Variants in FHIT observed in about 807,000 individuals in gnomAD.
FHIT encodes bis(5'-adenosyl)-triphosphatase.
In FHIT, 19 loss-of-function variants were observed where a neutral mutation model predicts 17.9. The ratio of observed to expected loss-of-function variants is 1.06; its 90% CI spans 0.74 to 1.56. The LOEUF (loss-of-function observed/expected upper bound fraction) is 1.56, where lower values mean the gene tolerates loss of function less well. Among genes scored for constraint, FHIT ranks in the 40% most tolerant of loss-of-function variants. The probability of loss-of-function intolerance (pLI) is 0.00; values close to 1 mark genes in which losing one functional copy is unlikely to be tolerated. For synonymous variants in FHIT, 81 were observed against 69.7 expected (o/e 1.16, Z -0.81); for missense variants, 248 against 189.2 (o/e 1.31, Z -1.82).
intron 5 of FHIT, among the ~76,000 whole-genome samples, chr3:60,074,333 T>C (rs890515163): frequency 2.0e-5 from 3 of 152,070 alleles, no homozygotes; most frequent in South Asian, 2.1e-4. Flanking sequence ...CTTTGTTGGA[T>C]GGAAATTTTC....
chr3:60,396,742 G>A (rs1010266720), intron 5 of FHIT, among the ~76,000 whole-genome samples: 4 of 152,182 alleles, frequency 2.6e-5, no homozygotes, highest in Admixed American at 6.5e-5. Context: ...CATTATCAGT[G>A]TACTAAATCT....
chr3:59,762,698 C>G (rs1289417445), intron 8 of FHIT, among the ~76,000 whole-genome samples: 1 of 152,200 alleles, frequency 6.6e-6, no homozygotes, highest in African/African-American at 2.4e-5. Flanking sequence ...TAGGGATCAA[C>G]CTCTAAGCCC....
At chr3:61,075,550 A>G (rs2106755951) in intron 2 of FHIT, among the ~76,000 whole-genome samples, 1 of 152,220 alleles carries the variant, frequency 6.6e-6, no homozygotes, top group South Asian at 2.1e-4. Context: ...GAACCAGAAA[A>G]GGTGAGGAGA....
chr3:60,288,566 A>AGTGTGTGTGTGTGTGTGTGTGTGTGT (rs139336094), intron 5 of FHIT, among the ~76,000 whole-genome samples: 58 of 144,656 alleles, frequency 4.0e-4, no homozygotes, highest in African/African-American at 5.9e-4. Context: ...GTTCTGGCAC[A>AGTGTGTGTGTGTGTGTGTGTGTGTGT]GTGTGTGTGT....
chr3:59,762,489 G>C (rs1701572420), intron 8 of FHIT, among the ~76,000 whole-genome samples: 3 of 152,038 alleles, frequency 2.0e-5, no homozygotes, highest in Admixed American at 2.0e-4. Context: ...AGTGGTATTT[G>C]TTTGGATGAG....
intron 5 of FHIT, among the ~76,000 whole-genome samples, chr3:60,412,352 T>C (rs1702092584): frequency 6.6e-6 from 1 of 152,128 alleles, no homozygotes. Flanking sequence ...TTCTCAATAG[T>C]GTATGAGGAC....
intron 5 of FHIT, among the ~76,000 whole-genome samples, chr3:60,124,271 T>A (rs991263551): frequency 2.6e-5 from 4 of 151,672 alleles, no homozygotes; most frequent in Admixed American, 6.6e-5. Flanking sequence ...CCAGACCAGT[T>A]TGAAGACTAG....
intron 8 of FHIT, among the ~76,000 whole-genome samples, chr3:59,855,025 C>T (rs191406609): frequency 6.6e-6 from 1 of 152,176 alleles, no homozygotes; most frequent in African/African-American, 2.4e-5. Context: ...CCAGTGATCA[C>T]AATTGTGGCC....
intron 4 of FHIT, among the ~76,000 whole-genome samples, chr3:60,721,259 G>T (rs1010744514): frequency 3.3e-5 from 5 of 152,010 alleles, no homozygotes; most frequent in African/African-American, 1.2e-4. Context: ...GTACTTCAAA[G>T]GCCTCCTCTT....
chr3:60,715,224 C>T (rs1350901547), intron 4 of FHIT, among the ~76,000 whole-genome samples: 166 of 151,846 alleles, frequency 1.1e-3, no homozygotes, highest in African/African-American at 3.9e-3. Context: ...GGAAAACTGG[C>T]TAGCCATAGG....
At chr3:61,042,190 G>A (rs1162505743) in intron 2 of FHIT, 91 bp from the exon 3 acceptor site, 4 of 152,030 alleles carry the variant, frequency 2.6e-5, no homozygotes, top group Non-Finnish European at 4.4e-5. Context: ...AGACTCTTAC[G>A]TAAATGAAAA....
chr3:59,817,164 T>C (rs1201776201), intron 8 of FHIT, among the ~76,000 whole-genome samples: 11 of 152,192 alleles, frequency 7.2e-5, no homozygotes, highest in Admixed American at 7.2e-4. Context: ...ATCCTCTGTT[T>C]TCTAAAAACT....
chr3:60,039,237 C>G (rs1281430415), intron 5 of FHIT, among the ~76,000 whole-genome samples: 1 of 152,130 alleles, frequency 6.6e-6, no homozygotes, highest in Non-Finnish European at 1.5e-5. Flanking sequence ...AGAAAGAAAA[C>G]CAAGAAAAGC....
At chr3:59,783,555 C>T (rs11917112) in intron 8 of FHIT, among the ~76,000 whole-genome samples, 1 of 152,174 alleles carries the variant, frequency 6.6e-6, no homozygotes, top group Non-Finnish European at 1.5e-5. Flanking sequence ...TCTGCCATCA[C>T]CAGGCACTTT....
intron 5 of FHIT, among the ~76,000 whole-genome samples, chr3:60,128,129 A>G (rs1212710310): frequency 6.6e-6 from 1 of 152,246 alleles, no homozygotes; most frequent in Non-Finnish European, 1.5e-5. Context: ...AATGACTAAA[A>G]GAAGATAAGT....
chr3:60,029,879 T>TTGTGTGTGTGTGTGTGTGTGTGTGTGTG (rs746113510), intron 5 of FHIT, among the ~76,000 whole-genome samples: 3 of 131,402 alleles, frequency 2.3e-5, no homozygotes, highest in South Asian at 2.7e-4. Context: ...CATAGAAGCA[T>TTGTGTGTGTGTGTGTGTGTGTGTGTGTG]TGTGTGTGTG....
chr3:61,169,829 TAGTC>T (rs2037951042), intron 2 of FHIT, among the ~76,000 whole-genome samples: 1 of 152,158 alleles, frequency 6.6e-6, no homozygotes. Flanking sequence ...CAAAGATAGA[TAGTC>T]AGGGATTTAT....
In FHIT at chr3:60,573,071, G is replaced by C. The variant is rs79341171; in HGVS notation, c.-17-36092C>G. On this transcript the variant is annotated intron_variant, in intron 4 of 9. Transcript: ENST00000492590. The stretch of plus-strand genomic sequence containing the variant: ...TGGCAGGCTCAGGACCTGCACCCAG[G>C]TCTTCCCAAGGCCAAAGTTTAGACT... Among the ~76,000 whole-genome samples the C allele has an allele frequency of 5.3e-3, 810 of 152,272 alleles. 9 individuals carry two copies. Among genetic ancestry groups the C allele is most frequent in the African/African-American group, 0.018 (764 of 41,556 alleles).
intron 8 of FHIT, among the ~76,000 whole-genome samples, chr3:59,882,214 A>G (rs1426147938): frequency 6.6e-6 from 1 of 152,162 alleles, no homozygotes; most frequent in African/African-American, 2.4e-5. Context: ...AAGTCTTAAA[A>G]TACATTTAGA....
Sources: gnomAD v4.1 joint callset for allele counts (sites outside exome capture counted in the v4.1 genomes callset) on GRCh38, gnomAD v4.1.1 for gene constraint, MANE v1.5 for transcripts, NCBI Gene and HGNC (gene_info 2026-07-23, HGNC 2026-07-21) for gene names.